Variants in CUX1 observed in about 807,000 individuals in gnomAD.
CUX1 encodes protein CASP.
CUX1 carries 31 observed loss-of-function variants against 158.8 expected under a neutral mutation model. The observed-to-expected ratio is 0.20, with a 90% confidence interval of 0.15 to 0.26. The LOEUF (loss-of-function observed/expected upper bound fraction) is 0.26. Among genes scored for constraint, CUX1 ranks in the 10% least tolerant of loss-of-function variants. CUX1 has a pLI of 1.00. For synonymous variants in CUX1, 879 were observed against 862.1 expected, an observed-to-expected ratio of 1.02 and a Z score of -0.34; for missense variants, 1,589 against 2,014.6, an observed-to-expected ratio of 0.79 and a Z score of 4.04.
intron 14 of CUX1, chr7:102,273,279 A>G (rs1791358859): frequency 6.5e-7 from 1 of 1,530,240 alleles, no homozygotes. Flanking sequence ...CTGCTTCCAG[A>G]CCGTGGGTTG....
chr7:101,977,871 TG>T (rs34595131), intron 2 of CUX1, among the ~76,000 whole-genome samples: 28 of 152,146 alleles, frequency 1.8e-4, no homozygotes, highest in Admixed American at 9.2e-4. Context: ...TGGTTATATA[TG>T]GGGGGTCAGC....
chr7:102,189,228 A>G (rs1415601749), intron 11 of CUX1, among the ~76,000 whole-genome samples: 1 of 151,942 alleles, frequency 6.6e-6, no homozygotes, highest in Non-Finnish European at 1.5e-5. Context: ...GTTTAAAACC[A>G]CACGCTGCTT....
At chr7:102,047,341 G>A (rs1213410088) in intron 3 of CUX1, among the ~76,000 whole-genome samples, 1 of 152,044 alleles carries the variant, frequency 6.6e-6, no homozygotes, top group African/African-American at 2.4e-5. Flanking sequence ...TTGATTGCAT[G>A]GAGGGAGGGT....
At position 102,112,804 on chromosome 7, in the gene CUX1, C is replaced by T. The variant is rs116030246; in HGVS notation, c.607+1030C>T. Among the ~76,000 whole-genome samples the T allele has an allele frequency of 2.9e-3, 438 of 152,124 alleles. 3 individuals are homozygous for T. The highest frequency in any genetic ancestry group is 0.01 in the African/African-American group (427 of 41,504). On this transcript the variant is annotated intron_variant, in intron 7 of 23. Coordinates refer to ENST00000292535, the MANE Select transcript of CUX1 (RefSeq NM_181552.4). Reference sequence around the variant, plus strand: ...CAGTCCGGTCTGTATCTCCTGAGCTCAAGTGAGCCACCACACCCAGCCTCT... The same window carrying T: ...CAGTCCGGTCTGTATCTCCTGAGCTTAAGTGAGCCACCACACCCAGCCTCT...
intron 1 of CUX1, among the ~76,000 whole-genome samples, chr7:101,825,811 G>A (rs947004167): frequency 7.0e-6 from 1 of 141,900 alleles, no homozygotes; most frequent in African/African-American, 2.6e-5. Context: ...GCGCGCGCGC[G>A]CAGTTAGTCT....
At position 102,079,550 on chromosome 7, in the gene CUX1, G is replaced by T. The variant is rs181904299; in HGVS notation, c.268+9133G>T. 5.0e-3 allele frequency among the ~76,000 whole-genome samples: 762 copies of T among 152,178 alleles called. 5 individuals are homozygous for T. Among genetic ancestry groups the T allele is most frequent in the African/African-American group, 0.017 (686 of 41,506 alleles). ...TAGCCTTCTCGAAGGTGATAGAAATGTGGCCATTGCAGCCTGATTCTGTAC... is the reference window on the plus strand; with the variant it reads ...TAGCCTTCTCGAAGGTGATAGAAATTTGGCCATTGCAGCCTGATTCTGTAC... On this transcript the variant is annotated intron_variant, in intron 4 of 23. Coordinates refer to ENST00000292535, the MANE Select transcript of CUX1 (RefSeq NM_181552.4).
rs533653178 is a variant in CUX1 at position 102,007,108 on chromosome 7, C to A, written c.142-20990C>A. ...GATGCCCCGAGGTCTTCACTGATGG[C>A]CCTCTGAATTTTTATTTTGTTTGTA... is the stretch of plus-strand genomic sequence containing the variant. On this transcript the variant is annotated intron_variant, in intron 2 of 23. Transcript: ENST00000292535. 1.5e-3 allele frequency among the ~76,000 whole-genome samples: 234 copies of A among 152,250 alleles called. 1 individual carries two copies. The highest frequency in any genetic ancestry group is 2.2e-3 in the Non-Finnish European group (152 of 68,014).
In CUX1 at chr7:102,047,359, G is replaced by A. The variant is rs536916242; in HGVS notation, c.189+19214G>A. ...ATTGCATGGAGGGAGGGTGAATAGGGGATAGATGGATGGATGATTGGATAG... is the reference window on the plus strand; with the variant it reads ...ATTGCATGGAGGGAGGGTGAATAGGAGATAGATGGATGGATGATTGGATAG... On this transcript the variant is annotated intron_variant, in intron 3 of 23. Coordinates refer to ENST00000292535, the MANE Select transcript of CUX1 (RefSeq NM_181552.4). 2.0e-4 allele frequency among the ~76,000 whole-genome samples: 31 copies of A among 151,670 alleles called. No individual in the cohort carries two copies. In the South Asian group the frequency reaches 5.6e-3, roughly 28 times the overall value.
At chr7:102,010,217 A>G (rs1317068112) in intron 2 of CUX1, among the ~76,000 whole-genome samples, 1 of 151,994 alleles carries the variant, frequency 6.6e-6, no homozygotes, top group Non-Finnish European at 1.5e-5. Flanking sequence ...AACATGGTGA[A>G]ACCCCGTCTC....
At chr7:102,155,170 C>G (rs1836129652) in intron 8 of CUX1, among the ~76,000 whole-genome samples, 1 of 152,062 alleles carries the variant, frequency 6.6e-6, no homozygotes, top group African/African-American at 2.4e-5. Flanking sequence ...ATGACGGTAG[C>G]CAGGGCAGTT....
chr7:101,884,709 C>T (rs1050763023), intron 1 of CUX1, among the ~76,000 whole-genome samples: 1 of 152,142 alleles, frequency 6.6e-6, no homozygotes, highest in Non-Finnish European at 1.5e-5. Context: ...TTGCAAATTT[C>T]TATGCATTAT....
intron 2 of CUX1, among the ~76,000 whole-genome samples, chr7:101,989,000 AAAATAAT>A (rs1814723538): frequency 6.8e-6 from 1 of 147,220 alleles, no homozygotes; most frequent in Non-Finnish European, 1.5e-5. Flanking sequence ...TCTCAAAAAA[AAAATAAT>A]AATAATAATA....
chr7:101,892,450 C>G (rs888871611), intron 1 of CUX1, among the ~76,000 whole-genome samples: 1 of 152,086 alleles, frequency 6.6e-6, no homozygotes, highest in Non-Finnish European at 1.5e-5. Flanking sequence ...TCTAATTACC[C>G]TCATTTAGAC....
intron 1 of CUX1, among the ~76,000 whole-genome samples, chr7:101,912,768 C>T (rs1803642226): frequency 6.6e-6 from 1 of 152,158 alleles, no homozygotes; most frequent in Non-Finnish European, 1.5e-5. Context: ...TGTTTTTTTA[C>T]ATTACAGGAA....
At chr7:101,888,115 C>T (rs7780749) in intron 1 of CUX1, among the ~76,000 whole-genome samples, 68,614 of 151,938 alleles carry the variant, frequency 0.45, 16,391 homozygotes, top group African/African-American at 0.59. Context: ...GGGGGGATCA[C>T]CTGAGGTCAG....
intron 8 of CUX1, among the ~76,000 whole-genome samples, chr7:102,121,659 C>T (rs1347320779): frequency 6.6e-6 from 1 of 152,108 alleles, no homozygotes; most frequent in Non-Finnish European, 1.5e-5. Context: ...TGTTTACATA[C>T]TGTTCTGGAC....
At chr7:102,155,313 G>A (rs1789619876) in intron 8 of CUX1, among the ~76,000 whole-genome samples, 1 of 151,822 alleles carries the variant, frequency 6.6e-6, no homozygotes, top group African/African-American at 2.4e-5. Flanking sequence ...GGAGGCCAAA[G>A]CGGGTGGATG....
At chr7:102,233,515 G>A (rs921703608) in intron 21 of CUX1, among the ~76,000 whole-genome samples, 1 of 152,168 alleles carries the variant, frequency 6.6e-6, no homozygotes, top group Non-Finnish European at 1.5e-5. Context: ...GGCCAGATGC[G>A]GTGACTCATG....
intron 9 of CUX1, among the ~76,000 whole-genome samples, chr7:102,164,572 C>G (rs1446858432): frequency 1.3e-5 from 2 of 152,180 alleles, no homozygotes; most frequent in Admixed American, 1.3e-4. Flanking sequence ...GAAACCACAG[C>G]TGACCCTCAC....
Sources: allele counts gnomAD v4.1 joint callset (sites outside exome capture counted in the v4.1 genomes callset), GRCh38; gene constraint gnomAD v4.1.1; transcripts MANE v1.5; gene names NCBI Gene and HGNC (gene_info 2026-07-23, HGNC 2026-07-21).